The following ATRNL1 variants were observed in gnomAD, a reference collection of about 807,000 sequenced individuals.
ATRNL1 encodes attractin-like protein 1.
Under a neutral mutation model 182.7 loss-of-function variants are expected in ATRNL1, and 95 were observed. That is an observed-to-expected ratio of 0.52 (90% CI 0.44 to 0.62). The LOEUF is 0.62. ATRNL1 is among the 20% of genes least tolerant of loss of function. The pLI is 0.00. For missense variants in ATRNL1, 1,471 were observed against 1,679.5 expected (o/e 0.88, Z 2.17); for synonymous variants, 576 against 568.3 (o/e 1.01, Z -0.19).
At chr10:115,566,225 G>GCA (rs1854069939) in intron 26 of ATRNL1, among the ~76,000 whole-genome samples, 1 of 151,990 alleles carries the variant, frequency 6.6e-6, no homozygotes. Flanking sequence ...GTGAGTCATT[G>GCA]CACCTGGGCA....
chr10:115,606,879 G>T (rs782611430), intron 26 of ATRNL1, among the ~76,000 whole-genome samples: 2 of 151,870 alleles, frequency 1.3e-5, no homozygotes, highest in African/African-American at 2.4e-5. Flanking sequence ...ATTGTACACA[G>T]TTTTCTTCTT....
intron 26 of ATRNL1, among the ~76,000 whole-genome samples, chr10:115,641,082 A>G (rs1262751997): frequency 6.6e-6 from 1 of 152,140 alleles, no homozygotes; most frequent in Non-Finnish European, 1.5e-5. Flanking sequence ...GCTTACAACC[A>G]CCAGTGTTAT....
chr10:115,474,217 C>T (rs951050897), intron 24 of ATRNL1, among the ~76,000 whole-genome samples: 1 of 151,318 alleles, frequency 6.6e-6, no homozygotes, highest in South Asian at 2.1e-4. Flanking sequence ...TGAAGGGCAA[C>T]ATTGCCAGGT....
chr10:115,437,337 T>A (rs573372338), intron 21 of ATRNL1, among the ~76,000 whole-genome samples: 30 of 152,054 alleles, frequency 2.0e-4, no homozygotes, highest in African/African-American at 7.2e-4. Context: ...TGAAGGGTAT[T>A]TAGAGGAGAG....
intron 5 of ATRNL1, among the ~76,000 whole-genome samples, chr10:115,148,898 C>A (rs1050347998): frequency 6.6e-6 from 1 of 151,874 alleles, no homozygotes; most frequent in Non-Finnish European, 1.5e-5. Flanking sequence ...TACAGGTGTG[C>A]GCCACCACAC....
At chr10:115,610,450 A>C (rs1383475168) in intron 26 of ATRNL1, among the ~76,000 whole-genome samples, 2 of 152,150 alleles carry the variant, frequency 1.3e-5, no homozygotes, top group African/African-American at 4.8e-5. Flanking sequence ...TCAGTGCCTT[A>C]TCAAGAATTT....
chr10:115,212,183 C>G (rs538545352), intron 8 of ATRNL1, among the ~76,000 whole-genome samples: 1 of 151,840 alleles, frequency 6.6e-6, no homozygotes, highest in Non-Finnish European at 1.5e-5. Flanking sequence ...CCCACTCCCT[C>G]TCTCTTGATA....
intron 20 of ATRNL1, among the ~76,000 whole-genome samples, chr10:115,413,587 GT>G (rs1247098941): frequency 6.6e-6 from 1 of 151,996 alleles, no homozygotes; most frequent in Non-Finnish European, 1.5e-5. Flanking sequence ...ATTCACTAAT[GT>G]TTTTAACCAC....
intron 27 of ATRNL1, among the ~76,000 whole-genome samples, chr10:115,743,167 G>A (rs568199127): frequency 1.0e-3 from 150 of 144,910 alleles, no homozygotes; most frequent in African/African-American, 3.5e-3. Flanking sequence ...TGGGGATTAC[G>A]GGAACTACAA....
At chr10:115,779,015 A>G (rs1949198045) in intron 27 of ATRNL1, among the ~76,000 whole-genome samples, 1 of 152,178 alleles carries the variant, frequency 6.6e-6, no homozygotes, top group Admixed American at 6.6e-5. Flanking sequence ...TAAAAAGCCG[A>G]CTAGTTTTTA....
intron 24 of ATRNL1, among the ~76,000 whole-genome samples, chr10:115,484,187 C>A (rs1848908726): frequency 6.6e-6 from 1 of 150,466 alleles, no homozygotes; most frequent in South Asian, 2.1e-4. Flanking sequence ...AAATCTATAT[C>A]TCATTGATAT....
chr10:115,235,543 T>C (rs189961822), intron 9 of ATRNL1, among the ~76,000 whole-genome samples: 2 of 152,286 alleles, frequency 1.3e-5, no homozygotes, highest in East Asian at 1.9e-4. Flanking sequence ...AGAGTTCGTC[T>C]GTATTATACC....
chr10:115,696,909 T>TAGAGAG (rs1946582913), intron 26 of ATRNL1, among the ~76,000 whole-genome samples: 2 of 130,412 alleles, frequency 1.5e-5, no homozygotes, highest in African/African-American at 6.4e-5. Flanking sequence ...GCGAGCGAGC[T>TAGAGAG]AGGGGGGAAA....
At chr10:115,605,255 C>A (rs1856814015) in intron 26 of ATRNL1, among the ~76,000 whole-genome samples, 1 of 152,078 alleles carries the variant, frequency 6.6e-6, no homozygotes, top group African/African-American at 2.4e-5. Context: ...GAGGAACAAT[C>A]TGTTCTGATC....
intron 19 of ATRNL1, among the ~76,000 whole-genome samples, chr10:115,363,053 G>A (rs1317858828): frequency 2.0e-5 from 3 of 151,130 alleles, no homozygotes; most frequent in African/African-American, 4.9e-5. Context: ...GGATGGCTGG[G>A]TCAAATGGTA....
At chr10:115,334,164 G>A in intron 18 of ATRNL1, 118 bp from the exon 19 acceptor site, 1 of 578,064 alleles carries the variant, frequency 1.7e-6, no homozygotes, top group Non-Finnish European at 2.7e-6. Flanking sequence ...ACAAAACTTG[G>A]AAGATGCTCT....
At chr10:115,444,225 A>G (rs782483004) in intron 21 of ATRNL1, among the ~76,000 whole-genome samples, 9 of 152,140 alleles carry the variant, frequency 5.9e-5, no homozygotes, top group Non-Finnish European at 1.2e-4. Context: ...CAAAATTAAT[A>G]TTAAATTGCC....
chr10:115,403,244 T>A (rs1844656491), intron 20 of ATRNL1, among the ~76,000 whole-genome samples: 1 of 148,152 alleles, frequency 6.7e-6, no homozygotes, highest in Non-Finnish European at 1.5e-5. Flanking sequence ...TTATTTTTCC[T>A]AATTACTCTC....
At chr10:115,223,932 T>A (rs1210559563) in intron 9 of ATRNL1, among the ~76,000 whole-genome samples, 2,103 of 97,456 alleles carry the variant, frequency 0.022, 51 homozygotes, top group African/African-American at 0.053. Context: ...TATATATATT[T>A]TTTTTTTTTT....
Sources: allele counts gnomAD v4.1 joint callset (sites outside exome capture counted in the v4.1 genomes callset), GRCh38; gene constraint gnomAD v4.1.1; transcripts MANE v1.5; gene names NCBI Gene and HGNC (gene_info 2026-07-23, HGNC 2026-07-21).